FGF13: variants seen among roughly 807,000 people sequenced by gnomAD.
FGF13 encodes fibroblast growth factor 13.
FGF13 carries 2 observed loss-of-function variants against 19.5 expected under a neutral mutation model. That is an observed-to-expected ratio of 0.10 (90% CI 0.04 to 0.32). The LOEUF is 0.32. Ranked by LOEUF, FGF13 falls within the 10% of genes least tolerant of loss-of-function variation. The pLI, the probability that FGF13 is intolerant of heterozygous loss-of-function variation, is 1.00. For missense variants in FGF13, 113 were observed against 192.7 expected (o/e 0.59, Z 2.45); for synonymous variants, 72 against 76.9 (o/e 0.94, Z 0.33).
Position 138,699,461 on chromosome X carries a change from A to ACCCTT in FGF13, c.402+3518_402+3522dup, listed in dbSNP as rs763949790. Reference sequence around the variant, plus strand: ...TGTGTTCTGCCCTAAATACACACCCACCCTTCCCTTCCCTTCCCTTAGAAA... The same window carrying ACCCTT: ...TGTGTTCTGCCCTAAATACACACCCACCCTTCCCTTCCCTTCCCTTCCCTTAGAAA... On this transcript the variant is annotated intron_variant, in intron 3 of 4. Transcript: ENST00000315930. Among the ~76,000 whole-genome samples the ACCCTT allele has an allele frequency of 5.5e-5, 6 of 108,548 alleles. No homozygotes were observed. In the East Asian group the frequency reaches 1.5e-3, roughly 27 times the overall value. 94.3% of individuals were successfully genotyped at this position (108,548 alleles called of 115,157 possible).
chrX:138,680,633 T>C (rs891930902), intron 3 of FGF13, among the ~76,000 whole-genome samples: 2 of 111,806 alleles, frequency 1.8e-5, no homozygotes, highest in Non-Finnish European at 3.8e-5. Flanking sequence ...CAATAAACTA[T>C]GCTGAAAACA....
At chrX:139,003,846 G>A (rs746689423) in intron 1 of FGF13, among the ~76,000 whole-genome samples, 2 of 111,567 alleles carry the variant, frequency 1.8e-5, no homozygotes, top group Admixed American at 1.9e-4. Context: ...AATGTCGATT[G>A]GTGCACTCAC....
intron 1 of FGF13, among the ~76,000 whole-genome samples, chrX:139,049,412 T>C (rs2092297646): frequency 8.9e-6 from 1 of 112,066 alleles, no homozygotes; most frequent in Non-Finnish European, 1.9e-5. Context: ...ACTTTGTAAT[T>C]AAAATGTTTC....
At chrX:138,878,727 G>A (rs1454345146) in intron 1 of FGF13, among the ~76,000 whole-genome samples, 5 of 110,883 alleles carry the variant, frequency 4.5e-5, no homozygotes, top group Admixed American at 1.9e-4. Flanking sequence ...GAATCGCCAC[G>A]CTGACTTCAC....
At chrX:139,128,012 A>T (rs1024583725) in intron 1 of FGF13, among the ~76,000 whole-genome samples, 11 of 110,481 alleles carry the variant, frequency 1.0e-4, no homozygotes, top group African/African-American at 3.6e-4. Context: ...CATAGGCATT[A>T]TTCTACCTAA....
chrX:139,074,322 C>CT (rs989664979), intron 1 of FGF13, among the ~76,000 whole-genome samples: 7 of 112,117 alleles, frequency 6.2e-5, no homozygotes, highest in Admixed American at 1.9e-4. Flanking sequence ...GGACATAAAA[C>CT]TTTTTTTTGA....
chrX:139,071,009 TAGG>T (rs200720162), intron 1 of FGF13, among the ~76,000 whole-genome samples: 4,822 of 109,819 alleles, frequency 0.044, 260 homozygotes, highest in African/African-American at 0.15. Context: ...GGGATAGCAT[TAGG>T]AGAACTACCC....
chrX:138,845,081 A>G (rs1196324702), intron 3 of FGF13, among the ~76,000 whole-genome samples: 1 of 111,810 alleles, frequency 8.9e-6, no homozygotes, highest in Non-Finnish European at 1.9e-5. Context: ...AAGGATAAGC[A>G]ATGCCCAGCT....
intron 1 of FGF13, among the ~76,000 whole-genome samples, chrX:138,733,489 C>T (rs1047950031): frequency 4.5e-5 from 5 of 111,233 alleles, no homozygotes; most frequent in Non-Finnish European, 7.6e-5. Flanking sequence ...AACAATCAAC[C>T]AATGAACAAA....
intron 1 of FGF13, among the ~76,000 whole-genome samples, chrX:138,880,423 A>G (rs1285070036): frequency 1.8e-5 from 2 of 111,970 alleles, no homozygotes; most frequent in Non-Finnish European, 3.8e-5. Context: ...AAAGACTTGG[A>G]ACCAACCCAA....
At chrX:138,910,466 C>A (rs146501803) in intron 1 of FGF13, among the ~76,000 whole-genome samples, 1,280 of 111,574 alleles carry the variant, frequency 0.011, 14 homozygotes, top group African/African-American at 0.039. Context: ...AAGATGGCAG[C>A]ATCAACTTAA....
intron 1 of FGF13, among the ~76,000 whole-genome samples, chrX:139,058,255 A>G (rs1283801585): frequency 8.9e-6 from 1 of 112,063 alleles, no homozygotes; most frequent in African/African-American, 3.2e-5. Context: ...AAGATCATAA[A>G]TAGCAAGCAT....
At chrX:138,992,321 T>C (rs1247296302) in intron 1 of FGF13, among the ~76,000 whole-genome samples, 1 of 112,001 alleles carries the variant, frequency 8.9e-6, no homozygotes, top group Admixed American at 9.5e-5. Context: ...AGTGCAATTG[T>C]TTTAGTTTCA....
chrX:138,734,869 A>G (rs2090260940), intron 1 of FGF13, among the ~76,000 whole-genome samples: 1 of 111,643 alleles, frequency 9.0e-6, no homozygotes, highest in African/African-American at 3.3e-5. Flanking sequence ...CATCACAGAG[A>G]GAGCACTGCA....
chrX:138,929,060 T>A (rs2091687648), intron 1 of FGF13, among the ~76,000 whole-genome samples: 1 of 111,874 alleles, frequency 8.9e-6, no homozygotes, highest in Non-Finnish European at 1.9e-5. Context: ...GTCATACAAC[T>A]TGCCCAAATA....
chrX:138,844,619 G>A (rs1218495358), intron 3 of FGF13, among the ~76,000 whole-genome samples: 2 of 112,093 alleles, frequency 1.8e-5, no homozygotes, highest in Non-Finnish European at 3.8e-5. Flanking sequence ...CAGCTCTACT[G>A]ATCCATTCCT....
Position 138,904,597 on chromosome X carries a change from T to G in FGF13, c.-112-39947A>C, listed in dbSNP as rs918252063. On this transcript the variant is annotated intron_variant, in intron 1 of 2. Transcript: ENST00000421460. Reference sequence around the variant, plus strand: ...GTGGACAGCATTAGAAATTCTGTAATTCAGTGGTTCTCACTCTTGGGTGCA... The same window carrying G: ...GTGGACAGCATTAGAAATTCTGTAAGTCAGTGGTTCTCACTCTTGGGTGCA... 9.8e-4 allele frequency among the ~76,000 whole-genome samples: 109 copies of G among 111,554 alleles called. 3 individuals are homozygous for G. Among genetic ancestry groups the G allele is most frequent in the Middle Eastern group, 4.6e-3 (1 of 216 alleles).
chrX:139,132,160 C>T (rs1385281973), intron 1 of FGF13, among the ~76,000 whole-genome samples: 1 of 111,623 alleles, frequency 9.0e-6, no homozygotes, highest in Non-Finnish European at 1.9e-5. Flanking sequence ...TCTGGTTTTA[C>T]GTTTACTACT....
At chrX:138,678,326 C>T (rs2089694057) in intron 3 of FGF13, among the ~76,000 whole-genome samples, 1 of 110,782 alleles carries the variant, frequency 9.0e-6, no homozygotes, top group Non-Finnish European at 1.9e-5. Flanking sequence ...ATGTAACTAA[C>T]CTGCACATTG....
Sources: allele counts gnomAD v4.1 joint callset (sites outside exome capture counted in the v4.1 genomes callset), GRCh38; gene constraint gnomAD v4.1.1; transcripts MANE v1.5; gene names NCBI Gene and HGNC (gene_info 2026-07-23, HGNC 2026-07-21).